Variants in PCDHA13 observed in about 807,000 individuals in gnomAD.
PCDHA13 encodes the protein protocadherin alpha 13, also known as protocadherin alpha-13.
A neutral mutation model predicts 64.8 loss-of-function variants in PCDHA13; 54 were observed. That is an observed-to-expected ratio of 0.83 (90% CI 0.67 to 1.04). The LOEUF is 1.04. Among genes scored for constraint, PCDHA13 ranks in the 50% least tolerant of loss-of-function variants. The pLI is 0.00. For missense variants in PCDHA13, 1,248 were observed against 1,254.3 expected (o/e 0.99, Z 0.08); for synonymous variants, 587 against 564.4 (o/e 1.04, Z -0.57).
At chr5:141,008,512 C>A (rs1006553111) in intron 3 of PCDHA13, among the ~76,000 whole-genome samples, 2 of 152,094 alleles carry the variant, frequency 1.3e-5, no homozygotes, top group Non-Finnish European at 2.9e-5. Context: ...GGTGTGTCTT[C>A]CAATCAGACT....
intron 1 of PCDHA13, chr5:140,967,401 G>C: frequency 6.2e-7 from 1 of 1,611,944 alleles, no homozygotes; most frequent in Non-Finnish European, 8.5e-7. Context: ...CTGGTGCTGC[G>C]TAAGGGCCTA....
At chr5:140,984,471 A>G (rs2153834399) in intron 3 of PCDHA13, among the ~76,000 whole-genome samples, 1 of 152,300 alleles carries the variant, frequency 6.6e-6, no homozygotes, top group Middle Eastern at 3.4e-3. Context: ...CCCCTCTTGT[A>G]TAACCCATTT....
rs371069140 is a variant in PCDHA13, at chr5:141,011,291, A to G, written c.*1354A>G. ...CTCTTTGGTTTAGTTTTCCTTTTCT[A>G]TAACACTCTGAATTGCTAATCTTAC... is the stretch of plus-strand genomic sequence containing the variant. On this transcript the variant is annotated 3_prime_UTR_variant, in exon 4 of 4. Coordinates refer to ENST00000289272, the MANE Select transcript of PCDHA13 (RefSeq NM_018904.3). 6 of 153,852 alleles carry G rather than the reference A, an allele frequency of 3.9e-5. No homozygotes were observed. The highest frequency in any genetic ancestry group is 8.8e-5 in the Non-Finnish European group (6 of 68,024). 9.5% of individuals were successfully genotyped at this position (153,852 alleles called of 1,614,324 possible).
At chr5:140,901,982 A>G (rs1250710466) in intron 1 of PCDHA13, among the ~76,000 whole-genome samples, 2 of 151,818 alleles carry the variant, frequency 1.3e-5, no homozygotes, top group Non-Finnish European at 1.5e-5. Flanking sequence ...TTACTTTTTA[A>G]TTTCATTTTC....
intron 3 of PCDHA13, among the ~76,000 whole-genome samples, chr5:141,001,540 G>A (rs1318714170): frequency 6.6e-6 from 1 of 152,174 alleles, no homozygotes; most frequent in African/African-American, 2.4e-5. Flanking sequence ...TCCTGGACAG[G>A]ATTTGGGTTT....
rs1554180637 is a variant in PCDHA13, at chr5:140,883,932, T to A, written c.1664T>A (p.Val555Glu). The change falls in exon 1 of 4, where the codon GTG becomes GAG. Residue 555 changes from valine (V) to glutamate (E), a missense_variant. Val to Glu is a moderately radical substitution (Grantham distance 121). Coordinates refer to ENST00000289272, the MANE Select transcript of PCDHA13 (RefSeq NM_018904.3). ...LGSNVTLQVF[V>E]LDENDNAPAL... ...AGCAACGTGACGCTGCAGGTGTTCG[T>A]GCTGGACGAGAACGACAACGCTCCG... The A allele has an allele frequency of 1.2e-6, 2 of 1,613,418 alleles. No homozygotes were observed.
intron 1 of PCDHA13, among the ~76,000 whole-genome samples, chr5:140,892,931 G>A (rs77081198): frequency 0.011 from 1,609 of 152,196 alleles, 17 homozygotes; most frequent in African/African-American, 0.028. Flanking sequence ...CCCAGCCTCT[G>A]ATAAGCACAA....
intron 1 of PCDHA13, among the ~76,000 whole-genome samples, chr5:140,952,427 C>T (rs2094744253): frequency 6.6e-6 from 1 of 152,162 alleles, no homozygotes; most frequent in African/African-American, 2.4e-5. Flanking sequence ...CAGATTCCTA[C>T]AGCACAGGCA....
intron 3 of PCDHA13, among the ~76,000 whole-genome samples, chr5:140,995,648 G>A (rs548703031): frequency 1.3e-5 from 2 of 152,248 alleles, no homozygotes; most frequent in South Asian, 2.1e-4. Flanking sequence ...TAGAAAAGGA[G>A]AATCGAAAAG....
chr5:140,984,492 T>C (rs2097106044), intron 3 of PCDHA13, among the ~76,000 whole-genome samples: 1 of 152,224 alleles, frequency 6.6e-6, no homozygotes, highest in Non-Finnish European at 1.5e-5. Context: ...TATCCAGAAC[T>C]GTGCCTGGCT....
chr5:140,985,572 C>G (rs2097158307), intron 3 of PCDHA13, among the ~76,000 whole-genome samples: 1 of 152,142 alleles, frequency 6.6e-6, no homozygotes, highest in Non-Finnish European at 1.5e-5. Context: ...CTTTCTGGTG[C>G]CTAAGCCTCC....
At chr5:140,968,578 C>T in intron 1 of PCDHA13, 3 of 1,614,206 alleles carry the variant, frequency 1.9e-6, no homozygotes, top group Non-Finnish European at 2.5e-6. Context: ...GCTACCTGGT[C>T]ACCAAAGTCA....
intron 1 of PCDHA13, among the ~76,000 whole-genome samples, chr5:140,909,448 C>A (rs547019806): frequency 6.6e-6 from 1 of 152,284 alleles, no homozygotes; most frequent in South Asian, 2.1e-4. Context: ...TGTCATTCTC[C>A]AAGATCCATC....
intron 3 of PCDHA13, among the ~76,000 whole-genome samples, chr5:140,992,399 A>G (rs1276372325): frequency 1.3e-5 from 2 of 152,138 alleles, no homozygotes; most frequent in Admixed American, 6.6e-5. Context: ...ACTTAGAGAT[A>G]TTGTTCTGCC....
At chr5:140,913,166 G>C (rs1357125827) in intron 1 of PCDHA13, among the ~76,000 whole-genome samples, 2 of 152,160 alleles carry the variant, frequency 1.3e-5, no homozygotes, top group African/African-American at 4.8e-5. Flanking sequence ...ATTGGTATTA[G>C]TTCTTCTTTA....
chr5:140,949,068 CTT>C (rs1199095008), intron 1 of PCDHA13, among the ~76,000 whole-genome samples: 2 of 151,676 alleles, frequency 1.3e-5, no homozygotes, highest in African/African-American at 4.8e-5. Context: ...TGATTTAACT[CTT>C]TCACCCATTT....
At chr5:140,936,849 G>A (rs927747848) in intron 1 of PCDHA13, among the ~76,000 whole-genome samples, 1 of 152,006 alleles carries the variant, frequency 6.6e-6, no homozygotes, top group Non-Finnish European at 1.5e-5. Context: ...TGTAGATTCA[G>A]CTTCTCAGTT....
At chr5:140,963,911 T>C (rs2095797811) in intron 1 of PCDHA13, among the ~76,000 whole-genome samples, 1 of 152,238 alleles carries the variant, frequency 6.6e-6, no homozygotes, top group African/African-American at 2.4e-5. Context: ...AAGTGAAGCT[T>C]AGGCTAAGTA....
rs1019397100 is a variant in PCDHA13, at chr5:140,953,409, G to A, written c.2395-25540G>A. On this transcript the variant is annotated intron_variant, in intron 1 of 3. Transcript: ENST00000289272. ...TGTGGATTACAGTGCTGTTGCTCCTGGCTCCTCCCCTTTGTCCTTAAGCTG... is the reference window on the plus strand; with the variant it reads ...TGTGGATTACAGTGCTGTTGCTCCTAGCTCCTCCCCTTTGTCCTTAAGCTG... Among the ~76,000 whole-genome samples, 14 of 152,194 alleles carry A rather than the reference G, an allele frequency of 9.2e-5. No individual in the cohort carries two copies. The South Asian group carries it at 2.9e-3, about 32-fold the overall frequency.
Sources: gnomAD v4.1 joint callset for allele counts (sites outside exome capture counted in the v4.1 genomes callset) on GRCh38, gnomAD v4.1.1 for gene constraint, MANE v1.5 for transcripts, NCBI Gene and HGNC (gene_info 2026-07-23, HGNC 2026-07-21) for gene names.